The following MYT1L variants were observed in gnomAD, a reference collection of about 807,000 sequenced individuals.
MYT1L encodes myelin transcription factor 1 like.
In MYT1L, 12 loss-of-function variants were observed where a neutral mutation model predicts 126.7. The observed-to-expected ratio is 0.09, with a 90% CI of 0.06 to 0.15. The LOEUF (loss-of-function observed/expected upper bound fraction) is 0.15, where lower values mean the gene tolerates loss of function less well. Ranked by LOEUF, MYT1L falls within the 10% of genes least tolerant of loss-of-function variation. MYT1L has a pLI of 1.00. For synonymous variants in MYT1L, 541 were observed against 604.2 expected (o/e 0.90, Z 1.53); for missense variants, 979 against 1,585.2 (o/e 0.62, Z 6.49).
rs1553630944 is a variant in MYT1L at position 2,295,793 on chromosome 2, G to GACAGAC, written c.-520-11291_-520-11290insGTCTGT. ...AGAGAGAGAGATAGAGAGACAGACA[G>GACAGAC]AGAGAGAGAGAGAGAGAGAGACAGA... On this transcript the variant is annotated intron_variant, in intron 1 of 24. Transcript: ENST00000647738. 2.0e-3 allele frequency among the ~76,000 whole-genome samples: 260 copies of GACAGAC among 132,228 alleles called. 3 individuals carry two copies. The highest frequency in any genetic ancestry group is 6.3e-3 in the African/African-American group (235 of 37,472). 86.7% of individuals were successfully genotyped at this position (132,228 alleles called of 152,430 possible). A position where few individuals can be genotyped will look rare whatever the true frequency, so the allele number is the denominator to read the frequency against.
chr2:1,956,223 A>ATCTATCTATCTATCTG (rs1202810533), intron 8 of MYT1L, among the ~76,000 whole-genome samples: 1 of 132,506 alleles, frequency 7.5e-6, no homozygotes, highest in Non-Finnish European at 1.5e-5. Context: ...CTATCTATCT[A>ATCTATCTATCTATCTG]TCTGTCTATC....
At chr2:2,181,648 C>A (rs1001008085) in intron 2 of MYT1L, among the ~76,000 whole-genome samples, 1 of 152,126 alleles carries the variant, frequency 6.6e-6, no homozygotes, top group African/African-American at 2.4e-5. Context: ...CACGTGGAAG[C>A]GCTTTGTCTT....
At chr2:1,916,919 C>T (rs1048639756) in intron 11 of MYT1L, among the ~76,000 whole-genome samples, 4 of 152,192 alleles carry the variant, frequency 2.6e-5, no homozygotes, top group Non-Finnish European at 5.9e-5. Context: ...TGGAAGCAAC[C>T]TGCCCAAGGT....
Position 2,276,841 on chromosome 2 carries a change from C to A in MYT1L, c.-421+7563G>T, listed in dbSNP as rs539125179. ...ATGCTGGAGCCTGTTACTCCACACCCCCCTGGAAGCCCTCATGGGCCTGTG... is the reference window on the plus strand; with the variant it reads ...ATGCTGGAGCCTGTTACTCCACACCACCCTGGAAGCCCTCATGGGCCTGTG... On this transcript the variant is annotated intron_variant, in intron 2 of 24. Coordinates refer to ENST00000647738, the MANE Select transcript of MYT1L (RefSeq NM_001303052.2). 3.9e-5 allele frequency among the ~76,000 whole-genome samples: 6 copies of A among 152,300 alleles called. No homozygotes were observed. In the South Asian group the frequency reaches 6.2e-4, roughly 16 times the overall value.
At chr2:1,865,138 T>G (rs1005881935) in intron 18 of MYT1L, among the ~76,000 whole-genome samples, 1 of 152,204 alleles carries the variant, frequency 6.6e-6, no homozygotes, top group African/African-American at 2.4e-5. Flanking sequence ...CCCCGGGTAC[T>G]GAGTCCCTGG....
At chr2:2,213,289 G>A (rs1461838325) in intron 2 of MYT1L, among the ~76,000 whole-genome samples, 1 of 152,218 alleles carries the variant, frequency 6.6e-6, no homozygotes, top group Non-Finnish European at 1.5e-5. Context: ...GGGAAACCCA[G>A]GGAGAGCCAG....
intron 13 of MYT1L, among the ~76,000 whole-genome samples, chr2:1,908,642 A>G (rs1207583361): frequency 6.6e-6 from 1 of 152,220 alleles, no homozygotes; most frequent in Admixed American, 6.5e-5. Context: ...TTGCTGGATT[A>G]CGCAGCCCCG....
intron 4 of MYT1L, among the ~76,000 whole-genome samples, chr2:2,052,661 T>A (rs1355666104): frequency 3.9e-5 from 6 of 152,086 alleles, no homozygotes; most frequent in Non-Finnish European, 1.5e-5. Flanking sequence ...CATAAACACA[T>A]GGAAAGATGC....
At chr2:2,123,913 G>A (rs1395901482) in intron 3 of MYT1L, among the ~76,000 whole-genome samples, 3 of 152,110 alleles carry the variant, frequency 2.0e-5, no homozygotes, top group South Asian at 2.1e-4. Context: ...CCTGGAAAGC[G>A]GCTGCCGCTG....
intron 18 of MYT1L, among the ~76,000 whole-genome samples, chr2:1,864,229 C>T (rs10174508): frequency 0.017 from 2,655 of 152,238 alleles, 44 homozygotes; most frequent in Non-Finnish European, 0.03. Flanking sequence ...GTGTGAGGGC[C>T]ATGTGGTTTG....
At chr2:1,996,436 G>A (rs80033421) in intron 5 of MYT1L, among the ~76,000 whole-genome samples, 1 of 147,922 alleles carries the variant, frequency 6.8e-6, no homozygotes, top group African/African-American at 2.5e-5. Flanking sequence ...TAGATGGGCC[G>A]CCTTTACCTA....
intron 3 of MYT1L, among the ~76,000 whole-genome samples, chr2:2,134,144 C>T (rs2082735973): frequency 6.6e-6 from 1 of 152,164 alleles, no homozygotes; most frequent in African/African-American, 2.4e-5. Flanking sequence ...GCACCCAGCC[C>T]AGTACATTGT....
At chr2:1,952,646 A>G (rs916405917) in intron 8 of MYT1L, among the ~76,000 whole-genome samples, 1 of 148,350 alleles carries the variant, frequency 6.7e-6, no homozygotes, top group Non-Finnish European at 1.5e-5. Flanking sequence ...GTGCCACGGC[A>G]CACCACCCCC....
At chr2:2,268,474 T>A (rs1273805616) in intron 2 of MYT1L, among the ~76,000 whole-genome samples, 1 of 152,154 alleles carries the variant, frequency 6.6e-6, no homozygotes, top group South Asian at 2.1e-4. Context: ...AAATAGCCTA[T>A]GAAAATTATT....
chr2:2,210,966 T>C (rs2093484623), intron 2 of MYT1L, among the ~76,000 whole-genome samples: 1 of 152,168 alleles, frequency 6.6e-6, no homozygotes, highest in African/African-American at 2.4e-5. Flanking sequence ...TTACTTCCTA[T>C]GTATTTAATT....
Position 1,791,992 on chromosome 2 carries a change from G to A in MYT1L, c.3436C>T (p.Gln1146Ter). Residue 1146 changes from glutamine (Q) to a stop codon, truncating the protein, a stop_gained, in exon 25 of 25, where the codon CAA becomes TAA. Transcript: ENST00000647738. LOFTEE classifies it high-confidence loss of function. This position sits in a 1 kb window ranked among gnomAD's most constrained non-coding sequence, Gnocchi z 6.0. ...QLPHMDPINE[Q>*]NFDAYVTTLT... ...GTAGTCACGTAAGCATCAAAATTTT[G>A]TTCATTGATTGGATCCTACGAGATA... 1 of 1,601,340 alleles carries A rather than the reference G, an allele frequency of 6.2e-7. No homozygotes were observed. Among genetic ancestry groups the A allele is most frequent in the Non-Finnish European group, 8.5e-7 (1 of 1,175,374 alleles).
At chr2:2,026,063 C>T (rs2065523358) in intron 4 of MYT1L, among the ~76,000 whole-genome samples, 1 of 152,220 alleles carries the variant, frequency 6.6e-6, no homozygotes, top group South Asian at 2.1e-4. Context: ...AACAGACTTT[C>T]CCTCAGTACC....
chr2:2,296,024 C>T (rs774897208), intron 1 of MYT1L, among the ~76,000 whole-genome samples: 46 of 152,136 alleles, frequency 3.0e-4, no homozygotes, highest in Non-Finnish European at 4.4e-4. Context: ...TACATACAAT[C>T]AAGCAACCCA....
At chr2:2,297,066 C>G (rs993567349) in intron 1 of MYT1L, among the ~76,000 whole-genome samples, 5 of 152,118 alleles carry the variant, frequency 3.3e-5, no homozygotes, top group African/African-American at 7.2e-5. Flanking sequence ...GCCAGAGGAC[C>G]CTTCAGGGCA....
Sources: allele counts gnomAD v4.1 joint callset (sites outside exome capture counted in the v4.1 genomes callset), GRCh38; gene constraint gnomAD v4.1.1; non-coding constraint Gnocchi (gnomAD v3.1); transcripts MANE v1.5; gene names NCBI Gene and HGNC (gene_info 2026-07-23, HGNC 2026-07-21).